The following VEGFD variants were observed in gnomAD, a reference collection of about 807,000 sequenced individuals.
VEGFD encodes the protein vascular endothelial growth factor D.
In VEGFD, 26 loss-of-function variants were observed where a neutral mutation model predicts 28.0. The ratio of observed to expected loss-of-function variants is 0.93; its 90% CI spans 0.68 to 1.29. The LOEUF is 1.29. VEGFD is among the 50% of genes most tolerant of loss of function. The pLI is 0.00. For missense variants in VEGFD, 294 were observed against 273.4 expected (o/e 1.08, Z -0.53); for synonymous variants, 93 against 95.5 (o/e 0.97, Z 0.15).
chrX:15,382,339 T>TAAATAAATAAATAAAC (rs1283529904), intron 1 of VEGFD, among the ~76,000 whole-genome samples: 2 of 109,959 alleles, frequency 1.8e-5, no homozygotes, highest in African/African-American at 6.6e-5. Context: ...AATAAATAAA[T>TAAATAAATAAATAAAC]AAATAAAACT....
intron 2 of VEGFD, 109 bp downstream of exon 2, chrX:15,363,000 C>G: frequency 1.5e-6 from 1 of 657,392 alleles, no homozygotes; most frequent in Non-Finnish European, 2.3e-6. Flanking sequence ...GACCGACTTT[C>G]ATTCTCCCTC....
intron 5 of VEGFD, among the ~76,000 whole-genome samples, chrX:15,352,772 T>C: frequency 8.9e-6 from 1 of 112,218 alleles, no homozygotes; most frequent in South Asian, 3.7e-4. Flanking sequence ...AGCAGAGTGA[T>C]GCATTGATGG....
Position 15,368,335 on chromosome X carries a change from T to C in VEGFD, c.91-5016A>G, listed in dbSNP as rs368291634. ...TGAATTAAAGTAATTAAATGGCTCA[T>C]ACAACTTGCCTCATCATAAAAAATG... On this transcript the variant is annotated intron_variant, in intron 1 of 6. Transcript: ENST00000297904. 1.2e-4 allele frequency among the ~76,000 whole-genome samples: 13 copies of C among 112,516 alleles called. No homozygotes were observed. The East Asian group carries it at 2.5e-3, about 22-fold the overall frequency.
chrX:15,351,618 T>G (rs1011148315), intron 5 of VEGFD, among the ~76,000 whole-genome samples: 5 of 112,202 alleles, frequency 4.5e-5, no homozygotes, highest in Non-Finnish European at 7.5e-5. Context: ...ACTAATGAGT[T>G]GATGCTCTTG....
Position 15,358,023 on chromosome X carries a change from T to C in VEGFD, c.472A>G (p.Thr158Ala). The change falls in exon 3 of 7, where the codon ACC becomes GCC. Residue 158 changes from threonine (T) to alanine (A), a missense_variant. Transcript: ENST00000297904. The part of the protein sequence containing the change: ...EESLICMNTS[T>A]SYISKQLFEI... ...TATACCTGTTTGGAAATGTACGAGG[T>C]GCTGGTGTTCATACAGATAAGGCTC... 8.3e-7 allele frequency: 1 copy of C among 1,210,787 alleles called. No individual in the cohort carries two copies. The highest frequency in any genetic ancestry group is 1.1e-6 in the Non-Finnish European group (1 of 894,964).
chrX:15,370,797 CT>C (rs992103242), intron 1 of VEGFD, among the ~76,000 whole-genome samples: 25 of 105,085 alleles, frequency 2.4e-4, no homozygotes, highest in Non-Finnish European at 1.8e-4. Context: ...TTCTTTCTTT[CT>C]TTTTTTTTTG....
intron 1 of VEGFD, among the ~76,000 whole-genome samples, chrX:15,371,070 T>C (rs1401438166): frequency 9.0e-6 from 1 of 111,596 alleles, no homozygotes; most frequent in East Asian, 2.8e-4. Flanking sequence ...GCCAGATTCA[T>C]TGTCATACCA....
At chrX:15,379,399 G>C (rs1782514609) in intron 1 of VEGFD, among the ~76,000 whole-genome samples, 1 of 111,827 alleles carries the variant, frequency 8.9e-6, no homozygotes, top group African/African-American at 3.3e-5. Context: ...AGACTAGGCA[G>C]ATTCTTTATG....
rs1003788310 is a variant in VEGFD, at chrX:15,369,259, C to T, written c.91-5940G>A. On this transcript the variant is annotated intron_variant, in intron 1 of 6. Transcript: ENST00000297904. ...ACCAATTTCATCTCTCAATTTCCAG[C>T]CCCTCTCCTTCACCAAAAATACATA... Among the ~76,000 whole-genome samples the T allele has an allele frequency of 3.6e-5, 4 of 111,027 alleles. No individual in the cohort carries two copies. In the South Asian group the frequency reaches 1.5e-3, roughly 42 times the overall value.
chrX:15,371,521 C>T (rs1923308885), intron 1 of VEGFD, among the ~76,000 whole-genome samples: 1 of 111,815 alleles, frequency 8.9e-6, no homozygotes, highest in Non-Finnish European at 1.9e-5. Flanking sequence ...AACCTGATAA[C>T]ACTTGATTTG....
Position 15,363,206 on chromosome X carries a change from C to G in VEGFD, c.204G>C (p.Arg68Ser), listed in dbSNP as rs747254028. The change falls in exon 2 of 7, where the codon AGG becomes AGC. Residue 68 changes from arginine to serine, a missense_variant. Arg to Ser is a moderately radical substitution (Grantham distance 110). Transcript: ENST00000297904. Reference protein sequence around the residue: ...HSEDWKLWRCRLRLKSFTSMD... With the variant: ...HSEDWKLWRCSLRLKSFTSMD... ...TACTGGTAAAACTTTTGAGCCTCAG[C>G]CTGCATCTCCACAGCTTCCAGTCCT... 87 of 1,209,400 alleles carry G rather than the reference C, an allele frequency of 7.2e-5. No individual in the cohort carries two copies. The highest frequency in any genetic ancestry group is 9.1e-5 in the Non-Finnish European group (81 of 894,834).
intron 1 of VEGFD, 78 bp from the exon 2 acceptor site, chrX:15,363,397 C>A: frequency 1.2e-6 from 1 of 811,767 alleles, no homozygotes; most frequent in Admixed American, 2.8e-5. Flanking sequence ...ATTTCTGACA[C>A]TTAGAAGTGT....
intron 1 of VEGFD, among the ~76,000 whole-genome samples, chrX:15,375,417 G>A (rs1923414220): frequency 8.9e-6 from 1 of 111,886 alleles, no homozygotes; most frequent in East Asian, 2.8e-4. Flanking sequence ...ACTAGGGCAG[G>A]GAGAACGCAC....
intron 1 of VEGFD, among the ~76,000 whole-genome samples, chrX:15,365,869 ATTG>A (rs1442552611): frequency 9.0e-6 from 1 of 111,569 alleles, no homozygotes; most frequent in African/African-American, 3.3e-5. Context: ...CAACTCTCCA[ATTG>A]TTGTGAGTCT....
chrX:15,359,795 G>C (rs1244604858), intron 2 of VEGFD, among the ~76,000 whole-genome samples: 1 of 111,792 alleles, frequency 8.9e-6, no homozygotes, highest in Non-Finnish European at 1.9e-5. Flanking sequence ...AACAACAGCT[G>C]ACTGAACTTG....
At chrX:15,363,345 A>G in intron 1 of VEGFD, 26 bp from the exon 2 acceptor site, 1 of 1,132,173 alleles carries the variant, frequency 8.8e-7, no homozygotes, top group Non-Finnish European at 1.2e-6. Context: ...ATACCAGTTT[A>G]AAAACAAGTT....
chrX:15,355,151 G>A lies in VEGFD; in HGVS notation c.640C>T (p.Arg214Cys), dbSNP rs1053221323. 1.4e-5 allele frequency: 16 copies of A among 1,162,421 alleles called. No individual in the cohort carries two copies. The highest frequency in any genetic ancestry group is 3.7e-5 in the African/African-American group (2 of 53,721). Reference protein sequence around the residue: ...RRSIQIPEEDRCSHSKKLCPI... With the variant: ...RRSIQIPEEDCCSHSKKLCPI... ...AAAAAAAAAAACAAAAGTGCTTACCGATCTTCTTCAGGGATCTGGATGGAT... is the reference window on the plus strand; with the variant it reads ...AAAAAAAAAAACAAAAGTGCTTACCAATCTTCTTCAGGGATCTGGATGGAT... The change falls in exon 4 of 7, where the codon CGC (arginine) becomes TGC (cysteine). Residue 214 changes from arginine (R) to cysteine (C), a missense_variant and splice_region_variant. By Grantham distance (180) the Arg-to-Cys change is radical. Coordinates refer to ENST00000297904, the MANE Select transcript of VEGFD (RefSeq NM_004469.5).
chrX:15,354,943 G>A (rs771877064), intron 4 of VEGFD, among the ~76,000 whole-genome samples: 42 of 111,513 alleles, frequency 3.8e-4, no homozygotes, highest in Admixed American at 1.1e-3. Context: ...ACCACTGAGC[G>A]TTTTGGTCCT....
chrX:15,355,863 T>C (rs990896731), intron 3 of VEGFD, among the ~76,000 whole-genome samples: 1 of 111,947 alleles, frequency 8.9e-6, no homozygotes, highest in African/African-American at 3.3e-5. Flanking sequence ...AACATAGAAG[T>C]TGACTTGGAC....
Sources: gnomAD v4.1 joint callset for allele counts (sites outside exome capture counted in the v4.1 genomes callset) on GRCh38, gnomAD v4.1.1 for gene constraint, MANE v1.5 for transcripts, NCBI Gene and HGNC (gene_info 2026-07-23, HGNC 2026-07-21) for gene names.